ZBTB11: variants seen among roughly 807,000 people sequenced by gnomAD.
The protein encoded by ZBTB11 is zinc finger and BTB domain containing 11.
In ZBTB11, 68 loss-of-function variants were observed where a neutral mutation model predicts 113.1. The ratio of observed to expected loss-of-function variants is 0.60; its 90% CI spans 0.49 to 0.74. The LOEUF (loss-of-function observed/expected upper bound fraction) is 0.74, where lower values mean the gene tolerates loss of function less well. Ranked by LOEUF, ZBTB11 falls within the 30% of genes least tolerant of loss-of-function variation. The pLI, the probability that ZBTB11 is intolerant of heterozygous loss-of-function variation, is 0.00. For synonymous variants in ZBTB11, 518 were observed against 452.6 expected, an observed-to-expected ratio of 1.14 and a Z score of -1.83; for missense variants, 1,104 against 1,279.4, an observed-to-expected ratio of 0.86 and a Z score of 2.09.
intron 2 of ZBTB11, 67 bp downstream of exon 2, chr3:101,671,911 T>C: frequency 7.8e-7 from 1 of 1,275,306 alleles, no homozygotes. Context: ...GAAAAATAAG[T>C]CACCAAGGCT....
intron 3 of ZBTB11, among the ~76,000 whole-genome samples, chr3:101,668,541 A>ATTGCTTGAGCCCAAAAG (rs780336999): frequency 2.4e-4 from 37 of 151,442 alleles, no homozygotes; most frequent in Non-Finnish European, 5.0e-4. Flanking sequence ...AAGCAGGAAA[A>ATTGCTTGAGCCCAAAAG]TTGCTTGAGC....
At chr3:101,671,691 G>A (rs1430081581) in intron 2 of ZBTB11, 4 of 580,490 alleles carry the variant, frequency 6.9e-6, no homozygotes, top group Non-Finnish European at 1.2e-5. Flanking sequence ...CTCAGAGACT[G>A]CTTCCAGAAA....
chr3:101,665,326 T>C lies in ZBTB11; in HGVS notation c.1261A>G (p.Thr421Ala). Residue 421 changes from threonine (T) to alanine (A), a missense_variant, in exon 4 of 11, where the codon ACA becomes GCA. Coordinates refer to ENST00000312938, the MANE Select transcript of ZBTB11 (RefSeq NM_014415.4). ...CTGTTGTTTGAAGTTTCTAGTTCTGTCTGGTTGTTTTTTGTTATTAAATCA... is the reference window on the plus strand; with the variant it reads ...CTGTTGTTTGAAGTTTCTAGTTCTGCCTGGTTGTTTTTTGTTATTAAATCA... ...SVDLITKNNQTELETSNNREN... is the reference protein window; with the variant it reads ...SVDLITKNNQAELETSNNREN... The C allele has an allele frequency of 6.2e-7, 1 of 1,614,248 alleles. No homozygotes were observed. The highest frequency in any genetic ancestry group is 8.5e-7 in the Non-Finnish European group (1 of 1,180,044).
In ZBTB11 at chr3:101,649,129, A is replaced by G. The variant is rs1187392532; in HGVS notation, c.*2037T>C. 6.6e-6 allele frequency: 1 copy of G among 152,202 alleles called. No homozygotes were observed. The highest frequency in any genetic ancestry group is 1.5e-5 in the Non-Finnish European group (1 of 68,076). 9.4% of individuals were successfully genotyped at this position (152,202 alleles called of 1,614,324 possible). On this transcript the variant is annotated 3_prime_UTR_variant, in exon 11 of 11. Transcript: ENST00000312938. ...ATGGAGCCTGGGGTTTAGGGTTTAT[A>G]TGGATACAGGATAGGAGGGCGTGGT... is the stretch of plus-strand genomic sequence containing the variant.
At position 101,650,914 on chromosome 3, in the gene ZBTB11, T is replaced by G. The variant is rs1469141097; in HGVS notation, c.*252A>C. ...TAAAAGGTATATCATGATAAACCAC[T>G]GCCATCAAATATTAGGTTGGTGCAA... On this transcript the variant is annotated 3_prime_UTR_variant, in exon 11 of 11. Transcript: ENST00000312938. 1 of 318,392 alleles carries G rather than the reference T, an allele frequency of 3.1e-6. No individual in the cohort carries two copies. Among genetic ancestry groups the G allele is most frequent in the East Asian group, 5.2e-5 (1 of 19,336 alleles). The allele number at this position is 318,392 out of a possible 1,614,324, so 19.7% of individuals were successfully genotyped here. A position where few individuals can be genotyped will look rare whatever the true frequency, so the allele number is the denominator to read the frequency against.
intron 6 of ZBTB11, among the ~76,000 whole-genome samples, chr3:101,659,216 G>C (rs1936847393): frequency 1.3e-5 from 2 of 152,188 alleles, no homozygotes; most frequent in Admixed American, 6.5e-5. Context: ...ATTCCAGCCT[G>C]AGAGATAGAA....
chr3:101,676,284 T>C (rs1559990194), intron 1 of ZBTB11, among the ~76,000 whole-genome samples: 3 of 152,132 alleles, frequency 2.0e-5, no homozygotes, highest in African/African-American at 7.2e-5. Context: ...GGCCGGGGCC[T>C]ACAGCCTCAA....
At chr3:101,654,958 A>G (rs1237160680) in intron 7 of ZBTB11, 137 bp from the exon 8 acceptor site, 1 of 602,854 alleles carries the variant, frequency 1.7e-6, no homozygotes, top group Non-Finnish European at 2.9e-6. Context: ...GCTCATCGCA[A>G]ACTCCACCTC....
At chr3:101,664,902 A>G in intron 4 of ZBTB11, 62 bp downstream of exon 4, 1 of 1,542,266 alleles carries the variant, frequency 6.5e-7, no homozygotes, top group Non-Finnish European at 8.7e-7. Context: ...CCATAAGTTC[A>G]TCAATACAAT....
Position 101,651,110 on chromosome 3 carries a change from GT to G in ZBTB11, c.*55del. ...CAGTCACACAGAATTGTAAACAAATGTTCTGTGAGTTCAGTGTACAAGAGAT... is the reference window on the plus strand; with the variant it reads ...CAGTCACACAGAATTGTAAACAAATGTCTGTGAGTTCAGTGTACAAGAGAT... On this transcript the variant is annotated 3_prime_UTR_variant, in exon 11 of 11. Coordinates refer to ENST00000312938, the MANE Select transcript of ZBTB11 (RefSeq NM_014415.4). 3 of 1,487,286 alleles carry G rather than the reference GT, an allele frequency of 2.0e-6. No individual in the cohort carries two copies. Among genetic ancestry groups the G allele is most frequent in the Non-Finnish European group, 1.8e-6 (2 of 1,114,996 alleles). The allele number at this position is 1,487,286 out of a possible 1,614,324, so 92.1% of individuals were successfully genotyped here. A position where few individuals can be genotyped will look rare whatever the true frequency, so the allele number is the denominator to read the frequency against.
intron 1 of ZBTB11, among the ~76,000 whole-genome samples, chr3:101,676,184 G>A (rs1281939573): frequency 6.6e-6 from 1 of 152,350 alleles, no homozygotes; most frequent in Non-Finnish European, 1.5e-5. Context: ...CCCGGCTTCG[G>A]GTGACTCGTC....
chr3:101,652,976 T>C (rs780403213), intron 8 of ZBTB11, 38 bp from the exon 9 acceptor site: 7 of 1,568,130 alleles, frequency 4.5e-6, no homozygotes, highest in East Asian at 2.2e-5. Flanking sequence ...GATAATCTTA[T>C]TCCTTTAAAA....
chr3:101,674,790 A>AC lies in ZBTB11; in HGVS notation c.310+1814_310+1815insG, dbSNP rs1937136635. On this transcript the variant is annotated intron_variant, in intron 1 of 10. Coordinates refer to ENST00000312938, the MANE Select transcript of ZBTB11 (RefSeq NM_014415.4). ...ACTGCACACTAAAAATTAAAAAAAA[A>AC]ACAACTGGATTAGAATCACTCACAG... 2.0e-5 allele frequency among the ~76,000 whole-genome samples: 3 copies of AC among 152,032 alleles called. No homozygotes were observed. In the South Asian group the frequency reaches 6.2e-4, roughly 32 times the overall value.
chr3:101,666,016 A>T (rs577994336), intron 3 of ZBTB11, among the ~76,000 whole-genome samples: 7 of 152,126 alleles, frequency 4.6e-5, no homozygotes, highest in Admixed American at 2.0e-4. Context: ...AATATAGAAA[A>T]TAGTATCAGA....
At chr3:101,664,449 G>C (rs76463296) in intron 5 of ZBTB11, 89 bp downstream of exon 5, 1 of 1,303,896 alleles carries the variant, frequency 7.7e-7, no homozygotes, top group African/African-American at 1.5e-5. Flanking sequence ...ATAAGACATA[G>C]AATACAAGCG....
At position 101,671,371 on chromosome 3, in the gene ZBTB11, T is replaced by C; in HGVS notation, c.547-10A>G. ...CTCCTTTGGTGTCAACCTGTCAAAATAAGTTTGAGAGCAAGAGTAACATAT... is the reference window on the plus strand; with the variant it reads ...CTCCTTTGGTGTCAACCTGTCAAAACAAGTTTGAGAGCAAGAGTAACATAT... On this transcript the variant is annotated splice_polypyrimidine_tract_variant and intron_variant, in intron 2 of 10. Transcript: ENST00000312938. The C allele has an allele frequency of 1.2e-6, 2 of 1,609,336 alleles. No individual in the cohort carries two copies. Among genetic ancestry groups the C allele is most frequent in the Non-Finnish European group, 1.7e-6 (2 of 1,175,862 alleles).
At chr3:101,657,708 G>C (rs770808017) in intron 6 of ZBTB11, among the ~76,000 whole-genome samples, 1 of 152,106 alleles carries the variant, frequency 6.6e-6, no homozygotes, top group African/African-American at 2.4e-5. Context: ...CTGGAGGCCA[G>C]GCACAGTGGC....
intron 5 of ZBTB11, among the ~76,000 whole-genome samples, chr3:101,663,834 G>A (rs2108322209): frequency 6.6e-6 from 1 of 152,242 alleles, no homozygotes; most frequent in Non-Finnish European, 1.5e-5. Flanking sequence ...AGGATGCAGT[G>A]AGCCAAGATT....
At chr3:101,654,344 T>A (rs1257537960) in intron 8 of ZBTB11, among the ~76,000 whole-genome samples, 1 of 152,094 alleles carries the variant, frequency 6.6e-6, no homozygotes, top group Non-Finnish European at 1.5e-5. Flanking sequence ...CCTGTCCCGA[T>A]TAATTTTACG....
Sources: allele counts gnomAD v4.1 joint callset (sites outside exome capture counted in the v4.1 genomes callset), GRCh38; gene constraint gnomAD v4.1.1; transcripts MANE v1.5; gene names NCBI Gene and HGNC (gene_info 2026-07-23, HGNC 2026-07-21).